Variants in TEX11 observed in about 807,000 individuals in gnomAD.
The protein encoded by TEX11 is testis expressed 11, also known as testis-expressed protein 11.
Under a neutral mutation model 84.4 loss-of-function variants are expected in TEX11, and 7 were observed. That is an observed-to-expected ratio of 0.08 (90% CI 0.05 to 0.16). The LOEUF (loss-of-function observed/expected upper bound fraction) is 0.16. TEX11 is among the 10% of genes least tolerant of loss of function. The probability of loss-of-function intolerance (pLI) is 1.00; values close to 1 mark genes in which losing one functional copy is unlikely to be tolerated. For synonymous variants in TEX11, 264 were observed against 222.8 expected (o/e 1.18, Z -1.64); for missense variants, 551 against 660.5 (o/e 0.83, Z 1.82).
intron 28 of TEX11, among the ~76,000 whole-genome samples, chrX:70,538,520 G>A (rs1487709232): frequency 9.0e-6 from 1 of 110,507 alleles, no homozygotes; most frequent in Non-Finnish European, 1.9e-5. Flanking sequence ...CTGGGTGCAG[G>A]GGCTCACACC....
rs372528767 is a variant in TEX11 at position 70,892,687 on chromosome X, C to T, written c.38-12578G>A. Among the ~76,000 whole-genome samples the T allele has an allele frequency of 1.4e-4, 15 of 108,370 alleles. No homozygotes were observed. In the East Asian group the frequency reaches 2.0e-3, roughly 15 times the overall value. The allele number at this position is 108,370 out of a possible 115,157, so 94.1% of individuals were successfully genotyped here. ...GGCGGAGGTTGCAGTGAGATGAGAT[C>T]GACCCACTGCACTCCAGCCTGGGAG... On this transcript the variant is annotated intron_variant, in intron 2 of 29. Transcript: ENST00000374333.
chrX:70,591,057 T>A (rs188630484), intron 25 of TEX11, among the ~76,000 whole-genome samples: 1 of 112,062 alleles, frequency 8.9e-6, no homozygotes, highest in East Asian at 2.8e-4. Flanking sequence ...CCTATTTAGA[T>A]AATTTTATAA....
intron 9 of TEX11, among the ~76,000 whole-genome samples, chrX:70,779,034 A>G (rs1332789263): frequency 1.8e-5 from 2 of 111,106 alleles, no homozygotes; most frequent in Non-Finnish European, 3.8e-5. Flanking sequence ...TGTCACTACA[A>G]ACATATATAT....
chrX:70,903,321 C>T (rs761921291), intron 2 of TEX11, among the ~76,000 whole-genome samples: 16 of 111,034 alleles, frequency 1.4e-4, no homozygotes, highest in Non-Finnish European at 2.8e-4. Flanking sequence ...CATAAATGTA[C>T]GTGCTATAGT....
chrX:70,824,889 T>C (rs1225464363), intron 8 of TEX11, among the ~76,000 whole-genome samples: 2 of 111,623 alleles, frequency 1.8e-5, no homozygotes, highest in African/African-American at 6.5e-5. Flanking sequence ...TGAAACAACA[T>C]TGAAACCATA....
At chrX:70,855,152 GTATAA>G (rs1039769073) in intron 5 of TEX11, among the ~76,000 whole-genome samples, 3 of 111,251 alleles carry the variant, frequency 2.7e-5, no homozygotes, top group Non-Finnish European at 5.7e-5. Context: ...ATTTAAAATA[GTATAA>G]TATAACTAAC....
chrX:70,786,826 G>A (rs767113982), intron 9 of TEX11, among the ~76,000 whole-genome samples: 5 of 111,997 alleles, frequency 4.5e-5, no homozygotes, highest in Non-Finnish European at 9.4e-5. Context: ...ATGATCCTCT[G>A]ATTTGATGTG....
intron 20 of TEX11, among the ~76,000 whole-genome samples, chrX:70,621,540 A>T: frequency 2.4e-5 from 1 of 41,150 alleles, no homozygotes; most frequent in Admixed American, 3.3e-4. Flanking sequence ...AAAAAAAAAA[A>T]AAAAAAAAAA....
chrX:70,869,465 T>C (rs1351786283), intron 4 of TEX11, among the ~76,000 whole-genome samples: 1 of 111,978 alleles, frequency 8.9e-6, no homozygotes, highest in African/African-American at 3.2e-5. Context: ...CTGTTTTGCA[T>C]CCTTACCACT....
At chrX:70,890,836 G>T (rs748974529) in intron 2 of TEX11, among the ~76,000 whole-genome samples, 2 of 112,528 alleles carry the variant, frequency 1.8e-5, no homozygotes, top group African/African-American at 6.4e-5. Context: ...CTGTCTGACA[G>T]CTCTGAAGAG....
chrX:70,864,547 C>T (rs1225107087), intron 4 of TEX11, among the ~76,000 whole-genome samples: 4 of 107,129 alleles, frequency 3.7e-5, no homozygotes, highest in Non-Finnish European at 5.8e-5. Flanking sequence ...ACCAGCCTGG[C>T]GAATACAGTG....
chrX:70,577,389 A>G (rs2088689454), intron 25 of TEX11, among the ~76,000 whole-genome samples: 1 of 112,036 alleles, frequency 8.9e-6, no homozygotes, highest in Non-Finnish European at 1.9e-5. Context: ...AGTCATCTCT[A>G]TAAAACAAGA....
At chrX:70,762,181 A>G (rs2090912898) in intron 9 of TEX11, among the ~76,000 whole-genome samples, 1 of 112,182 alleles carries the variant, frequency 8.9e-6, no homozygotes, top group Non-Finnish European at 1.9e-5. Flanking sequence ...ATCAGAAAGA[A>G]AAGGATGTTC....
intron 2 of TEX11, among the ~76,000 whole-genome samples, chrX:70,896,493 A>T (rs1004739886): frequency 4.5e-5 from 5 of 111,532 alleles, no homozygotes; most frequent in Non-Finnish European, 7.5e-5. Context: ...CAGAAATACC[A>T]TTTGACCCAG....
intron 13 of TEX11, among the ~76,000 whole-genome samples, chrX:70,718,837 G>A (rs2090530819): frequency 9.0e-6 from 1 of 111,542 alleles, no homozygotes; most frequent in Non-Finnish European, 1.9e-5. Flanking sequence ...CCTTAGCTGA[G>A]GACAATTTGG....
intron 14 of TEX11, among the ~76,000 whole-genome samples, chrX:70,680,876 A>C (rs1460164811): frequency 8.9e-6 from 1 of 112,357 alleles, no homozygotes; most frequent in African/African-American, 3.2e-5. Flanking sequence ...GTGAATGAGC[A>C]GACAGCAATG....
At chrX:70,593,056 A>AACACAC (rs56116828) in intron 24 of TEX11, among the ~76,000 whole-genome samples, 61 of 95,981 alleles carry the variant, frequency 6.4e-4, no homozygotes, top group Middle Eastern at 5.3e-3. Context: ...AGAGCATTTT[A>AACACAC]ACACACACAC....
intron 24 of TEX11, among the ~76,000 whole-genome samples, chrX:70,602,012 C>T (rs915984586): frequency 5.4e-5 from 6 of 111,210 alleles, no homozygotes; most frequent in Admixed American, 1.9e-4. Context: ...TCCACAAAAC[C>T]GCCATTGTCA....
rs767787700 is a variant in TEX11 at position 70,853,316 on chromosome X, T to A, written c.337A>T (p.Ile113Leu). The A allele has an allele frequency of 6.8e-5, 81 of 1,190,512 alleles. No homozygotes were observed. The highest frequency in any genetic ancestry group is 9.0e-5 in the Non-Finnish European group (79 of 878,448). ...CCAGCATCCAACCATTCTTTTCCTA[T>A]TCTCATATTCATCTAGAAGAGAGAA... is the stretch of plus-strand genomic sequence containing the variant. The part of the protein sequence containing the change: ...IQRLIMMNMR[I>L]GKEWLDAGNF... Residue 113 changes from isoleucine to leucine, a missense_variant, in exon 6 of 30, where the codon ATA becomes TTA. By Grantham distance (5) the Ile-to-Leu change is conservative. Transcript: ENST00000374333.
Sources: gnomAD v4.1 joint callset for allele counts (sites outside exome capture counted in the v4.1 genomes callset) on GRCh38, gnomAD v4.1.1 for gene constraint, MANE v1.5 for transcripts, NCBI Gene and HGNC (gene_info 2026-07-23, HGNC 2026-07-21) for gene names.